Variants in SPIRE2 observed in about 807,000 individuals in gnomAD.
SPIRE2 encodes protein spire homolog 2.
SPIRE2 carries 76 observed loss-of-function variants against 80.7 expected under a neutral mutation model. The observed-to-expected ratio is 0.94, with a 90% CI of 0.78 to 1.14. The LOEUF (loss-of-function observed/expected upper bound fraction) is 1.14. SPIRE2 is among the 50% of genes most tolerant of loss of function. The probability of loss-of-function intolerance (pLI) is 0.00; values close to 1 mark genes in which losing one functional copy is unlikely to be tolerated. For missense variants in SPIRE2, 1,196 were observed against 1,015.3 expected, an observed-to-expected ratio of 1.18 and a Z score of -2.42; for synonymous variants, 535 against 432.6, an observed-to-expected ratio of 1.24 and a Z score of -2.94.
chr16:89,843,854 C>G (rs964072388), intron 1 of SPIRE2, among the ~76,000 whole-genome samples: 4 of 142,488 alleles, frequency 2.8e-5, no homozygotes, highest in Admixed American at 7.3e-5. Flanking sequence ...TATGCACTAC[C>G]ATGCCCAGCT....
At chr16:89,860,421 C>T (rs1439449229) in intron 9 of SPIRE2, among the ~76,000 whole-genome samples, 1 of 152,026 alleles carries the variant, frequency 6.6e-6, no homozygotes, top group Admixed American at 6.6e-5. Flanking sequence ...ACGATGCCTG[C>T]CTAACTTTTA....
At position 89,870,282 on chromosome 16, in the gene SPIRE2, G is replaced by A. The variant is rs1264450717; in HGVS notation, c.*10G>A. On this transcript the variant is annotated 3_prime_UTR_variant, in exon 15 of 15. Coordinates refer to ENST00000378247, the MANE Select transcript of SPIRE2 (RefSeq NM_032451.2). ...TCTTGACTTCAAGTGACAGCCCCAG[G>A]TGGCCAGGCCTCCAGGAGGCACCAG... 2 of 1,577,606 alleles carry A rather than the reference G, an allele frequency of 1.3e-6. No individual in the cohort carries two copies. The highest frequency in any genetic ancestry group is 1.3e-5 in the African/African-American group (1 of 74,388).
At chr16:89,852,974 G>A (rs1382279130) in intron 3 of SPIRE2, among the ~76,000 whole-genome samples, 9 of 89,914 alleles carry the variant, frequency 1.0e-4, no homozygotes, top group Non-Finnish European at 1.6e-4. Flanking sequence ...CTCACCCCCC[G>A]GATCCCATGG....
chr16:89,835,161 G>A (rs1329644659), intron 1 of SPIRE2, among the ~76,000 whole-genome samples: 4 of 151,056 alleles, frequency 2.6e-5, no homozygotes, highest in African/African-American at 4.9e-5. Flanking sequence ...GTTGGCCGTC[G>A]TAGAAGCGTG....
At chr16:89,837,600 C>T (rs1230536869) in intron 1 of SPIRE2, among the ~76,000 whole-genome samples, 1 of 152,162 alleles carries the variant, frequency 6.6e-6, no homozygotes, top group Non-Finnish European at 1.5e-5. Context: ...GGGGCTGGGT[C>T]GGGATCCCTG....
chr16:89,828,747 T>G lies in SPIRE2; in HGVS notation c.197T>G (p.Leu66Arg). The change falls in exon 1 of 15, where the codon CTG (leucine) becomes CGG (arginine). Residue 66 changes from leucine (L) to arginine (R), a missense_variant. By Grantham distance (102) the Leu-to-Arg change is moderately radical (BLOSUM62 -2). Transcript: ENST00000378247. This position sits in a 1 kb window ranked among gnomAD's most constrained non-coding sequence, Gnocchi z 5.9. ...GRRLRDTGDL[L>R]LRGDGSVGAR... ...CGCCTGCGGGATACCGGGGACCTCCTGCTGCGCGGGGACGGCTCGGTCGGG... is the reference window on the plus strand; with the variant it reads ...CGCCTGCGGGATACCGGGGACCTCCGGCTGCGCGGGGACGGCTCGGTCGGG... 1 of 1,217,002 alleles carries G rather than the reference T, an allele frequency of 8.2e-7. No homozygotes were observed. Among genetic ancestry groups the G allele is most frequent in the Non-Finnish European group, 1.0e-6 (1 of 977,298 alleles). The allele number at this position is 1,217,002 out of a possible 1,614,324, so 75.4% of individuals were successfully genotyped here.
intron 12 of SPIRE2, among the ~76,000 whole-genome samples, chr16:89,865,532 G>A (rs986600277): frequency 1.3e-5 from 2 of 152,058 alleles, no homozygotes; most frequent in African/African-American, 4.8e-5. Context: ...AAAAAAGGTA[G>A]GAAAAGAAGG....
At chr16:89,836,250 CA>C in intron 1 of SPIRE2, 1 of 455,996 alleles carries the variant, frequency 2.2e-6, no homozygotes, top group South Asian at 1.5e-5. Context: ...ATCCACCTGT[CA>C]GGGGTCAGCA....
At chr16:89,867,687 C>T (rs551180354) in intron 12 of SPIRE2, among the ~76,000 whole-genome samples, 4 of 151,752 alleles carry the variant, frequency 2.6e-5, no homozygotes, top group African/African-American at 9.7e-5. Context: ...CAGGTTCATG[C>T]CATTCTCCTA....
intron 3 of SPIRE2, among the ~76,000 whole-genome samples, chr16:89,853,893 G>A (rs556898157): frequency 5.1e-4 from 77 of 152,306 alleles, no homozygotes; most frequent in Non-Finnish European, 9.1e-4. Flanking sequence ...TGTCCACCAC[G>A]TATCCATTCA....
intron 10 of SPIRE2, among the ~76,000 whole-genome samples, chr16:89,861,306 C>T (rs1407885616): frequency 2.6e-5 from 4 of 152,176 alleles, no homozygotes; most frequent in South Asian, 4.1e-4. Flanking sequence ...GTGTGCGGCC[C>T]GTGGGCCACG....
intron 2 of SPIRE2, among the ~76,000 whole-genome samples, chr16:89,849,207 C>T (rs1010164273): frequency 6.6e-6 from 1 of 152,254 alleles, no homozygotes; most frequent in African/African-American, 2.4e-5. Context: ...AGGAAGTGGA[C>T]AGTGCCTGGG....
intron 1 of SPIRE2, among the ~76,000 whole-genome samples, chr16:89,833,144 A>C (rs2143774770): frequency 6.6e-6 from 1 of 151,918 alleles, no homozygotes; most frequent in African/African-American, 2.4e-5. Context: ...GGCATGTGCC[A>C]CCGCACATGC....
In SPIRE2 at chr16:89,845,789, C is replaced by T; in HGVS notation, c.288+424C>T. On this transcript the variant is annotated intron_variant, in intron 2 of 14. Coordinates refer to ENST00000378247, the MANE Select transcript of SPIRE2 (RefSeq NM_032451.2). ...CTGGAACCTCACCGCAGGGCAGGGC[C>T]TTCCTCTCCCATTCACCTGCCCTGA... The T allele has an allele frequency of 6.8e-6, 4 of 590,560 alleles. No homozygotes were observed. The South Asian group carries it at 8.1e-5, about 12-fold the overall frequency. The allele number at this position is 590,560 out of a possible 1,614,324, so 36.6% of individuals were successfully genotyped here.
rs543366892 is a variant in SPIRE2, at chr16:89,854,658, G to A, written c.891+7G>A. 122 of 1,609,888 alleles carry A rather than the reference G, an allele frequency of 7.6e-5. No individual in the cohort carries two copies. The highest frequency in any genetic ancestry group is 8.7e-5 in the Non-Finnish European group (102 of 1,177,944). On this transcript the variant is annotated splice_region_variant and intron_variant, in intron 5 of 14. Transcript: ENST00000378247. ...CAAGCTGCGCAAGGTCATGGTGAGC[G>A]GGGCAGACGCAGAGGGGCAGCCTGG...
At chr16:89,843,233 CAGCCCTGAT>C (rs1254842538) in intron 1 of SPIRE2, among the ~76,000 whole-genome samples, 3 of 152,198 alleles carry the variant, frequency 2.0e-5, no homozygotes, top group Admixed American at 6.5e-5. Flanking sequence ...TGGCACTTAT[CAGCCCTGAT>C]ACCTTGGAGC....
At chr16:89,834,592 G>T (rs1161315001) in intron 1 of SPIRE2, among the ~76,000 whole-genome samples, 1 of 110,352 alleles carries the variant, frequency 9.1e-6, no homozygotes, top group Non-Finnish European at 1.9e-5. Context: ...AGCATAGCCC[G>T]TGTGAATCTG....
At chr16:89,833,639 G>A (rs571328270) in intron 1 of SPIRE2, among the ~76,000 whole-genome samples, 5 of 152,346 alleles carry the variant, frequency 3.3e-5, no homozygotes, top group Non-Finnish European at 7.3e-5. Flanking sequence ...GGGAGGTGCA[G>A]CGTGGTGCTA....
chr16:89,836,165 A>C (rs1209191094), intron 1 of SPIRE2: 2 of 455,510 alleles, frequency 4.4e-6, no homozygotes, highest in South Asian at 1.6e-5. Flanking sequence ...ACACAGTGAG[A>C]CTCCATTTCA....
Sources: allele counts gnomAD v4.1 joint callset (sites outside exome capture counted in the v4.1 genomes callset), GRCh38; gene constraint gnomAD v4.1.1; non-coding constraint Gnocchi (gnomAD v3.1); transcripts MANE v1.5; gene names NCBI Gene and HGNC (gene_info 2026-07-23, HGNC 2026-07-21).